The following KANTR variants were observed in gnomAD, a reference collection of about 807,000 sequenced individuals.
KANTR encodes the protein KANTR integral membrane protein.
At chrX:53,131,716 T>G (rs189635080), downstream of KANTR, among the ~76,000 whole-genome samples, 1 of 111,843 alleles carries the variant, frequency 8.9e-6, no homozygotes, top group East Asian at 2.8e-4. Context: ...AGATCAGAAA[T>G]CAAACAGAGA....
intron 2 of KANTR, among the ~76,000 whole-genome samples, chrX:53,117,440 A>T (rs1311592104): frequency 1.8e-4 from 19 of 108,043 alleles, no homozygotes; most frequent in African/African-American, 5.4e-4. Context: ...CCACCACTCC[A>T]CTCCTGAAAT....
downstream of KANTR, among the ~76,000 whole-genome samples, chrX:53,146,659 C>CA (rs1221182560): frequency 3.6e-5 from 4 of 111,108 alleles, no homozygotes; most frequent in Non-Finnish European, 7.5e-5. Flanking sequence ...AACTCCAAGA[C>CA]ACATAATTGT....
At chrX:53,147,386 G>T (rs1261405655), downstream of KANTR, among the ~76,000 whole-genome samples, 1 of 111,552 alleles carries the variant, frequency 9.0e-6, no homozygotes, top group Non-Finnish European at 1.9e-5. Context: ...ATTACATAAT[G>T]GTGAAGGGAT....
At chrX:53,143,899 G>A (rs1307647314), downstream of KANTR, 11 of 405,697 alleles carry the variant, frequency 2.7e-5, no homozygotes, top group South Asian at 9.3e-5. Context: ...TGAGCGCGGC[G>A]ATCTCTATTT....
chrX:53,132,394 T>A (rs192829472), downstream of KANTR, among the ~76,000 whole-genome samples: 27 of 111,530 alleles, frequency 2.4e-4, no homozygotes, highest in African/African-American at 8.8e-4. Context: ...TGCAAACAGG[T>A]CTACAAAGAA....
At chrX:53,120,945 C>T (rs9887626) in intron 2 of KANTR, among the ~76,000 whole-genome samples, 3,970 of 107,934 alleles carry the variant, frequency 0.037, 81 homozygotes, top group African/African-American at 0.071. Context: ...TGATCTTGAA[C>T]TCCTGACCTC....
chrX:53,145,780 G>A (rs1287668709), downstream of KANTR, among the ~76,000 whole-genome samples: 3 of 111,863 alleles, frequency 2.7e-5, no homozygotes, highest in Non-Finnish European at 5.6e-5. Context: ...TCACACGGCC[G>A]GGTACTTCTC....
intron 1 of KANTR, among the ~76,000 whole-genome samples, chrX:53,098,895 T>C (rs2146713896): frequency 9.0e-6 from 1 of 110,916 alleles, no homozygotes; most frequent in East Asian, 2.9e-4. Flanking sequence ...CCAGCCAATT[T>C]TTAAAATTTT....
intron 2 of KANTR, among the ~76,000 whole-genome samples, chrX:53,134,680 A>G (rs781957000): frequency 1.8e-5 from 2 of 112,112 alleles, no homozygotes; most frequent in South Asian, 7.4e-4. Flanking sequence ...CAATAATCAC[A>G]TTGGAATATC....
At chrX:53,103,556 G>A (rs1369560777) in intron 2 of KANTR, among the ~76,000 whole-genome samples, 1 of 110,726 alleles carries the variant, frequency 9.0e-6, no homozygotes, top group Admixed American at 9.7e-5. Flanking sequence ...CCACTTCAGC[G>A]TACTTACCAT....
chrX:53,097,557 T>G (rs1369316179), intron 1 of KANTR, among the ~76,000 whole-genome samples: 2 of 103,689 alleles, frequency 1.9e-5, no homozygotes, highest in African/African-American at 6.9e-5. Flanking sequence ...TTCACCATGT[T>G]GGCCAGGCTG....
intron 2 of KANTR, among the ~76,000 whole-genome samples, chrX:53,136,235 TTTTG>T (rs201565988): frequency 2.2e-4 from 24 of 111,102 alleles, no homozygotes; most frequent in African/African-American, 3.6e-4. Flanking sequence ...GTTTGTTTCT[TTTTG>T]TTTGTTTGTT....
chrX:53,131,384 A>T (rs1556817032), downstream of KANTR, among the ~76,000 whole-genome samples: 1 of 111,880 alleles, frequency 8.9e-6, no homozygotes, highest in Non-Finnish European at 1.9e-5. Flanking sequence ...TTATCAAATC[A>T]AATCCAATAA....
intron 1 of KANTR, among the ~76,000 whole-genome samples, chrX:53,096,311 C>T (rs1161259094): frequency 8.9e-6 from 1 of 112,394 alleles, no homozygotes; most frequent in Non-Finnish European, 1.9e-5. Flanking sequence ...TAGTGCTTGA[C>T]ACCTAGTAGA....
intron 2 of KANTR, among the ~76,000 whole-genome samples, chrX:53,141,444 C>A (rs782661630): frequency 8.9e-6 from 1 of 112,061 alleles, no homozygotes; most frequent in South Asian, 3.7e-4. Flanking sequence ...GCTCTTTTCA[C>A]AATTTTTTCT....
chrX:53,099,425 C>G (rs1214205962), intron 1 of KANTR, 47 bp from the exon 2 acceptor site: 1 of 111,857 alleles, frequency 8.9e-6, no homozygotes, highest in African/African-American at 3.2e-5. Flanking sequence ...CTTCTTCAGC[C>G]TCACATTCTA....
chrX:53,144,523 C>T (rs781955618), downstream of KANTR, among the ~76,000 whole-genome samples: 1 of 110,844 alleles, frequency 9.0e-6, no homozygotes, highest in Admixed American at 9.6e-5. Context: ...TGGTGAAACC[C>T]CGTCTCTCCT....
exon 3 of KANTR, chrX:53,125,342 T>C (rs1933280802): frequency 9.0e-6 from 1 of 111,472 alleles, no homozygotes; most frequent in Non-Finnish European, 1.9e-5. Context: ...TTTTAAAAAA[T>C]CTAATCTGAT....
downstream of KANTR, among the ~76,000 whole-genome samples, chrX:53,146,165 G>C (rs1556819314): frequency 8.9e-6 from 1 of 112,339 alleles, no homozygotes; most frequent in African/African-American, 3.2e-5. Flanking sequence ...CGAGTTGAGA[G>C]AAGAAGGCTT....
Sources: allele counts gnomAD v4.1 joint callset (sites outside exome capture counted in the v4.1 genomes callset), GRCh38; gene constraint gnomAD v4.1.1; transcripts MANE v1.5; gene names NCBI Gene and HGNC (gene_info 2026-07-23, HGNC 2026-07-21).